Variants in PDE7B observed in about 807,000 individuals in gnomAD.
The protein encoded by PDE7B is 3',5'-cyclic-AMP phosphodiesterase 7B.
Under a neutral mutation model 56.2 loss-of-function variants are expected in PDE7B, and 29 were observed. The observed-to-expected ratio is 0.52, with a 90% CI of 0.38 to 0.70. The LOEUF (loss-of-function observed/expected upper bound fraction) is 0.70. Among genes scored for constraint, PDE7B ranks in the 30% least tolerant of loss-of-function variants. The pLI, the probability that PDE7B is intolerant of heterozygous loss-of-function variation, is 0.00. For missense variants in PDE7B, 490 were observed against 565.0 expected (o/e 0.87, Z 1.35); for synonymous variants, 197 against 196.9 (o/e 1.00, Z 0.00).
intron 3 of PDE7B, among the ~76,000 whole-genome samples, chr6:136,113,821 T>C (rs1037915343): frequency 3.9e-5 from 6 of 152,170 alleles, no homozygotes; most frequent in African/African-American, 1.4e-4. Flanking sequence ...AGCAGGCGGC[T>C]CCAGCAGCCC....
intron 2 of PDE7B, among the ~76,000 whole-genome samples, chr6:136,003,212 G>A (rs1265561544): frequency 6.6e-6 from 1 of 151,780 alleles, no homozygotes; most frequent in East Asian, 1.9e-4. Context: ...GTGTGTAGAG[G>A]GAAATTTATA....
chr6:136,038,567 G>T, intron 2 of PDE7B: 1 of 1,232,774 alleles, frequency 8.1e-7, no homozygotes, highest in South Asian at 1.4e-5. Context: ...ACAGGACCAA[G>T]TCTGATAACT....
At chr6:136,050,114 C>T (rs1449603318) in intron 2 of PDE7B, among the ~76,000 whole-genome samples, 1 of 152,196 alleles carries the variant, frequency 6.6e-6, no homozygotes, top group Non-Finnish European at 1.5e-5. Context: ...CGCTCAACTC[C>T]AGCCGAGGCT....
At chr6:136,037,881 G>A (rs1349616284) in intron 2 of PDE7B, 4 of 984,522 alleles carry the variant, frequency 4.1e-6, no homozygotes, top group Non-Finnish European at 3.6e-6. Flanking sequence ...CTAGAACCTC[G>A]ATGGCTTTTT....
intron 2 of PDE7B, among the ~76,000 whole-genome samples, chr6:136,050,784 G>A (rs868119253): frequency 2.6e-5 from 4 of 152,136 alleles, no homozygotes; most frequent in African/African-American, 9.7e-5. Context: ...AACTGGACAG[G>A]CCTAACTCCC....
intron 2 of PDE7B, among the ~76,000 whole-genome samples, chr6:135,977,741 A>G (rs139710417): frequency 6.6e-6 from 1 of 152,290 alleles, no homozygotes; most frequent in East Asian, 1.9e-4. Context: ...TATTAAAAAC[A>G]TTGGCTAATT....
intron 2 of PDE7B, among the ~76,000 whole-genome samples, chr6:136,006,580 T>C (rs1217047689): frequency 6.6e-6 from 1 of 152,178 alleles, no homozygotes; most frequent in African/African-American, 2.4e-5. Context: ...TCATATCTAG[T>C]TTCTTTGAGC....
chr6:136,109,145 TG>T (rs1242985893), intron 3 of PDE7B, among the ~76,000 whole-genome samples: 2 of 152,168 alleles, frequency 1.3e-5, no homozygotes, highest in Non-Finnish European at 2.9e-5. Flanking sequence ...GCCCAGGAGT[TG>T]GGCAACAGAG....
intron 1 of PDE7B, among the ~76,000 whole-genome samples, chr6:135,859,094 ATT>A (rs1775095137): frequency 6.6e-6 from 1 of 151,750 alleles, no homozygotes; most frequent in Non-Finnish European, 1.5e-5. Context: ...TCCCTTTCTC[ATT>A]ATGCCACTTG....
intron 12 of PDE7B, among the ~76,000 whole-genome samples, chr6:136,188,133 G>T (rs764678313): frequency 1.3e-5 from 2 of 152,100 alleles, no homozygotes; most frequent in Non-Finnish European, 2.9e-5. Context: ...ATCACTGAAG[G>T]TCAAATCTAA....
chr6:136,104,155 G>A (rs1777608093), intron 2 of PDE7B, among the ~76,000 whole-genome samples: 1 of 152,000 alleles, frequency 6.6e-6, no homozygotes, highest in Admixed American at 6.5e-5. Context: ...GGGATGACAT[G>A]TGATGTTGTC....
intron 3 of PDE7B, among the ~76,000 whole-genome samples, chr6:136,139,679 G>C (rs902778350): frequency 4.6e-5 from 7 of 152,108 alleles, no homozygotes; most frequent in Non-Finnish European, 1.0e-4. Flanking sequence ...GTGTGAGATG[G>C]TATCTCATTG....
At chr6:135,952,582 AATAAAG>A (rs1352418444) in intron 2 of PDE7B, among the ~76,000 whole-genome samples, 2 of 152,156 alleles carry the variant, frequency 1.3e-5, no homozygotes, top group Non-Finnish European at 2.9e-5. Context: ...CTACAGAAGA[AATAAAG>A]ATAAACTACA....
chr6:135,875,370 CA>C (rs1775472849), intron 1 of PDE7B, among the ~76,000 whole-genome samples: 1 of 151,674 alleles, frequency 6.6e-6, no homozygotes, highest in South Asian at 2.1e-4. Flanking sequence ...TTTGTGGTTT[CA>C]GCAGATACAC....
At chr6:136,171,383 A>G (rs1257217304) in intron 8 of PDE7B, among the ~76,000 whole-genome samples, 1 of 152,180 alleles carries the variant, frequency 6.6e-6, no homozygotes, top group African/African-American at 2.4e-5. Flanking sequence ...CTTAGTGTAC[A>G]TATGAATTTA....
chr6:136,166,708 A>AC (rs1259800221), intron 8 of PDE7B, among the ~76,000 whole-genome samples: 2 of 152,010 alleles, frequency 1.3e-5, no homozygotes, highest in East Asian at 3.9e-4. Flanking sequence ...ACCAGGCCTC[A>AC]CCTCCACTAT....
At chr6:136,053,734 T>C (rs1304440936) in intron 2 of PDE7B, among the ~76,000 whole-genome samples, 1 of 152,142 alleles carries the variant, frequency 6.6e-6, no homozygotes, top group Non-Finnish European at 1.5e-5. Context: ...TTTCCTGACT[T>C]TTTAATGATT....
intron 2 of PDE7B, among the ~76,000 whole-genome samples, chr6:136,036,567 C>G (rs1776328406): frequency 6.6e-6 from 1 of 152,148 alleles, no homozygotes; most frequent in African/African-American, 2.4e-5. Flanking sequence ...TTACAGTTGT[C>G]TTTGCTGGTT....
At chr6:136,039,188 G>A (rs1388798107) in intron 2 of PDE7B, among the ~76,000 whole-genome samples, 5 of 152,124 alleles carry the variant, frequency 3.3e-5, no homozygotes, top group African/African-American at 4.8e-5. Flanking sequence ...TGGGACGGTT[G>A]TGGAGAACTT....
Sources: gnomAD v4.1 joint callset for allele counts (sites outside exome capture counted in the v4.1 genomes callset) on GRCh38, gnomAD v4.1.1 for gene constraint, MANE v1.5 for transcripts, NCBI Gene and HGNC (gene_info 2026-07-23, HGNC 2026-07-21) for gene names.